Variants in SORCS1 observed in about 807,000 individuals in gnomAD.
SORCS1 encodes the protein VPS10 domain-containing receptor SorCS1.
In SORCS1, 60 loss-of-function variants were observed where a neutral mutation model predicts 146.1. That is an observed-to-expected ratio of 0.41 (90% CI 0.33 to 0.51). The LOEUF is 0.51. Among genes scored for constraint, SORCS1 ranks in the 20% least tolerant of loss-of-function variants. The pLI is 0.21. For missense variants in SORCS1, 1,352 were observed against 1,487.6 expected (o/e 0.91, Z 1.50); for synonymous variants, 637 against 584.0 (o/e 1.09, Z -1.31).
At chr10:106,741,354 T>C (rs1012730762) in intron 5 of SORCS1, among the ~76,000 whole-genome samples, 3 of 152,138 alleles carry the variant, frequency 2.0e-5, no homozygotes, top group African/African-American at 7.2e-5. Flanking sequence ...ATTCTAGCAG[T>C]TTGAGAGGCT....
rs930804238 is a variant in SORCS1 at position 106,805,653 on chromosome 10, T to A, written c.726+23921A>T. 3.3e-5 allele frequency among the ~76,000 whole-genome samples: 5 copies of A among 152,168 alleles called. No homozygotes were observed. In the East Asian group the frequency reaches 9.6e-4, roughly 29 times the overall value. ...TGCCATCTATAGCTTCCAATACTAG[T>A]TCATGCCATGACAGAAATGATTTAT... On this transcript the variant is annotated intron_variant, in intron 3 of 25. Transcript: ENST00000263054.
intron 2 of SORCS1, among the ~76,000 whole-genome samples, chr10:106,894,270 C>CGTGTGTGTGT (rs3982431): frequency 1.5e-4 from 21 of 141,456 alleles, no homozygotes; most frequent in Admixed American, 1.4e-3. Flanking sequence ...CGCACGTGTG[C>CGTGTGTGTGT]GTGTGTGTGT....
intron 4 of SORCS1, among the ~76,000 whole-genome samples, 190 bp from the exon 5 acceptor site, chr10:106,761,851 TCA>T (rs1335194930): frequency 6.6e-6 from 1 of 152,236 alleles, no homozygotes; most frequent in Non-Finnish European, 1.5e-5. Context: ...ACTAATATCA[TCA>T]TTTTACAGTT....
chr10:107,050,023 C>T (rs1243010482), intron 1 of SORCS1, among the ~76,000 whole-genome samples: 2 of 152,188 alleles, frequency 1.3e-5, no homozygotes, highest in Non-Finnish European at 2.9e-5. Flanking sequence ...CACAAGTGTA[C>T]ATGCATATTC....
chr10:107,164,217 G>C lies in SORCS1; in HGVS notation c.310C>G (p.Arg104Gly). The part of the protein sequence containing the change: ...GTGASMAVAA[R>G]SGRRRRSGAD... ...CCGCTCCGTCTCCTCCGGCCGGAGC[G>C]TGCAGCAACCGCCATGGATGCCCCA... Residue 104 changes from arginine (R) to glycine (G), a missense_variant, in exon 1 of 26, where the codon CGC (arginine) becomes GGC (glycine). Arg to Gly is a moderately radical substitution (Grantham distance 125). Transcript: ENST00000263054. This position sits in a 1 kb window ranked among gnomAD's most constrained non-coding sequence, Gnocchi z 6.8. 6.2e-7 allele frequency: 1 copy of C among 1,608,520 alleles called. No homozygotes were observed. Among genetic ancestry groups the C allele is most frequent in the Non-Finnish European group, 8.5e-7 (1 of 1,179,670 alleles).
intron 24 of SORCS1, among the ~76,000 whole-genome samples, chr10:106,585,730 G>C (rs1449764627): frequency 6.6e-6 from 1 of 152,228 alleles, no homozygotes; most frequent in Non-Finnish European, 1.5e-5. Flanking sequence ...TGCAATGGAA[G>C]CAATGGTGTG....
chr10:106,909,831 T>G (rs1952064542), intron 2 of SORCS1, among the ~76,000 whole-genome samples: 1 of 152,230 alleles, frequency 6.6e-6, no homozygotes, highest in South Asian at 2.1e-4. Flanking sequence ...ACATATGCAC[T>G]GACCAAATGA....
At chr10:107,036,986 C>T (rs1958933066) in intron 1 of SORCS1, among the ~76,000 whole-genome samples, 2 of 152,150 alleles carry the variant, frequency 1.3e-5, no homozygotes, top group African/African-American at 4.8e-5. Flanking sequence ...TGGCTCATGC[C>T]TGTAATCCCA....
At chr10:106,813,016 T>A (rs1947549011) in intron 3 of SORCS1, among the ~76,000 whole-genome samples, 1 of 152,134 alleles carries the variant, frequency 6.6e-6, no homozygotes, top group African/African-American at 2.4e-5. Context: ...GGCAATGGTA[T>A]CTAAGCAGAT....
At chr10:106,964,907 C>T (rs189402386) in intron 1 of SORCS1, among the ~76,000 whole-genome samples, 34 of 150,904 alleles carry the variant, frequency 2.3e-4, no homozygotes, top group Non-Finnish European at 4.7e-4. Context: ...AGCCACCATG[C>T]CTGGCCAAGA....
At chr10:107,143,669 A>AT (rs1385222934) in intron 1 of SORCS1, among the ~76,000 whole-genome samples, 5 of 151,408 alleles carry the variant, frequency 3.3e-5, no homozygotes, top group Admixed American at 2.0e-4. Context: ...ACACCAGGCT[A>AT]TTTTTTCTGT....
intron 1 of SORCS1, among the ~76,000 whole-genome samples, chr10:107,085,640 G>C (rs1963697957): frequency 6.6e-6 from 1 of 152,156 alleles, no homozygotes; most frequent in South Asian, 2.1e-4. Flanking sequence ...TTGGATAAGT[G>C]AAACAAGTTC....
chr10:106,816,772 G>A (rs930773006), intron 3 of SORCS1, among the ~76,000 whole-genome samples: 7 of 152,000 alleles, frequency 4.6e-5, no homozygotes, highest in African/African-American at 1.7e-4. Flanking sequence ...ATAATAAAAC[G>A]AAGACTAAAA....
chr10:107,049,637 TG>T (rs1476112622), intron 1 of SORCS1, among the ~76,000 whole-genome samples: 1 of 152,186 alleles, frequency 6.6e-6, no homozygotes, highest in African/African-American at 2.4e-5. Flanking sequence ...CATTGAAGTT[TG>T]TCTTTAATGT....
Position 106,710,375 on chromosome 10 carries a change from G to A in SORCS1, c.1025-1034C>T, listed in dbSNP as rs536883908. Among the ~76,000 whole-genome samples the A allele has an allele frequency of 8.6e-5, 13 of 151,794 alleles. No individual in the cohort carries two copies. In the East Asian group the frequency reaches 2.3e-3, roughly 27 times the overall value. On this transcript the variant is annotated intron_variant, in intron 6 of 25. Transcript: ENST00000263054. ...GGCAACAGAATCACTTGAACCCAGCGGGGCGGAGGTTGCAGTGGGCCAAGA... is the reference window on the plus strand; with the variant it reads ...GGCAACAGAATCACTTGAACCCAGCAGGGCGGAGGTTGCAGTGGGCCAAGA...
chr10:106,825,756 C>T (rs1948275917), intron 3 of SORCS1, among the ~76,000 whole-genome samples: 1 of 152,152 alleles, frequency 6.6e-6, no homozygotes, highest in Admixed American at 6.5e-5. Context: ...GGGAACTGCT[C>T]TCCCTCTGAG....
chr10:106,684,856 T>G (rs1382395187), intron 10 of SORCS1, among the ~76,000 whole-genome samples: 1 of 152,230 alleles, frequency 6.6e-6, no homozygotes. Flanking sequence ...CTTCGTCTCC[T>G]GTAGCTCAAA....
At chr10:106,913,922 G>T (rs997778251) in intron 2 of SORCS1, among the ~76,000 whole-genome samples, 1 of 152,120 alleles carries the variant, frequency 6.6e-6, no homozygotes, top group East Asian at 1.9e-4. Flanking sequence ...ACAGAGAAAA[G>T]AAAATACAAG....
At chr10:106,587,298 T>C (rs558614907) in intron 24 of SORCS1, among the ~76,000 whole-genome samples, 2 of 152,344 alleles carry the variant, frequency 1.3e-5, no homozygotes, top group East Asian at 3.9e-4. Flanking sequence ...ACTTACTGGC[T>C]GTGGAAGAAT....
Sources: allele counts gnomAD v4.1 joint callset (sites outside exome capture counted in the v4.1 genomes callset), GRCh38; gene constraint gnomAD v4.1.1; non-coding constraint Gnocchi (gnomAD v3.1); transcripts MANE v1.5; gene names NCBI Gene and HGNC (gene_info 2026-07-23, HGNC 2026-07-21).